Variants in EVA1A observed in about 807,000 individuals in gnomAD.
EVA1A encodes eva-1 homolog A, regulator of programmed cell death, also known as protein eva-1 homolog A.
EVA1A carries 7 observed loss-of-function variants against 9.8 expected under a neutral mutation model. That is an observed-to-expected ratio of 0.71 (90% CI 0.41 to 1.34). EVA1A has a LOEUF of 1.34. EVA1A is among the 40% of genes most tolerant of loss of function. The probability of loss-of-function intolerance (pLI) is 0.01; values close to 1 mark genes in which losing one functional copy is unlikely to be tolerated. For synonymous variants in EVA1A, 90 were observed against 85.6 expected (o/e 1.05, Z -0.28); for missense variants, 206 against 205.9 (o/e 1.00, Z 0.00).
intron 1 of EVA1A, among the ~76,000 whole-genome samples, chr2:75,553,697 T>C (rs147247322): frequency 2.0e-3 from 305 of 152,318 alleles, no homozygotes; most frequent in Non-Finnish European, 3.2e-3. Flanking sequence ...TGTCCAGTCA[T>C]TGTCTTCTGA....
At chr2:75,509,428 C>T (rs910919671) in intron 3 of EVA1A, among the ~76,000 whole-genome samples, 2 of 152,084 alleles carry the variant, frequency 1.3e-5, no homozygotes, top group African/African-American at 4.8e-5. Flanking sequence ...AATACCCTCT[C>T]ATGTTATTAA....
intron 1 of EVA1A, among the ~76,000 whole-genome samples, chr2:75,525,228 C>T (rs187738324): frequency 6.6e-6 from 1 of 152,204 alleles, no homozygotes; most frequent in East Asian, 1.9e-4. Context: ...ATCTTTTGAT[C>T]TACTGCCCTT....
intron 3 of EVA1A, among the ~76,000 whole-genome samples, chr2:75,498,293 C>T (rs1674283753): frequency 9.6e-6 from 1 of 103,956 alleles, no homozygotes; most frequent in Non-Finnish European, 1.8e-5. Context: ...TAAACGTGGA[C>T]ATAAAGAAGG....
At chr2:75,558,305 A>G (rs1572996042) in intron 1 of EVA1A, among the ~76,000 whole-genome samples, 1 of 152,180 alleles carries the variant, frequency 6.6e-6, no homozygotes, top group East Asian at 1.9e-4. Flanking sequence ...AGACTTTGAG[A>G]GACTGATTCA....
intron 1 of EVA1A, chr2:75,524,086 G>A (rs116473408): frequency 0.02 from 3,032 of 152,850 alleles, 86 homozygotes; most frequent in African/African-American, 0.061. Context: ...ATGCTGCCAC[G>A]TGAAGAAGGA....
Position 75,535,782 on chromosome 2 carries a change from G to A in EVA1A, c.-191-13295C>T, listed in dbSNP as rs117779749. On this transcript the variant is annotated intron_variant, in intron 1 of 3. Coordinates refer to ENST00000393913, the MANE Select transcript of EVA1A (RefSeq NM_001135032.2). ...TAATAGACATTGGAGACTCAGAATG[G>A]GGAAGGGTAGAGGGAGTGAGAGATG... 1.1e-4 allele frequency among the ~76,000 whole-genome samples: 16 copies of A among 152,232 alleles called. No individual in the cohort carries two copies. The East Asian group carries it at 3.1e-3, about 30-fold the overall frequency.
chr2:75,505,269 G>A (rs950067906), intron 3 of EVA1A, among the ~76,000 whole-genome samples: 1 of 152,168 alleles, frequency 6.6e-6, no homozygotes, highest in Non-Finnish European at 1.5e-5. Context: ...CCTCCAGTCT[G>A]GGCAGCACTT....
At chr2:75,554,159 C>A (rs1252684150) in intron 1 of EVA1A, among the ~76,000 whole-genome samples, 3 of 152,208 alleles carry the variant, frequency 2.0e-5, no homozygotes, top group Admixed American at 6.5e-5. Context: ...CTGCTCCCTG[C>A]AGCTACCACC....
intron 1 of EVA1A, chr2:75,542,409 G>T (rs1199470583): frequency 6.6e-6 from 1 of 152,240 alleles, no homozygotes; most frequent in Non-Finnish European, 1.5e-5. Context: ...GTAAATCAAA[G>T]CGCTTCATGA....
At chr2:75,539,254 C>G (rs13009167) in intron 1 of EVA1A, among the ~76,000 whole-genome samples, 1 of 151,968 alleles carries the variant, frequency 6.6e-6, no homozygotes, top group Non-Finnish European at 1.5e-5. Flanking sequence ...CTGAAGAAAA[C>G]TATGAGAGTT....
intron 1 of EVA1A, among the ~76,000 whole-genome samples, chr2:75,557,485 A>C (rs1433497315): frequency 1.3e-5 from 2 of 152,252 alleles, no homozygotes; most frequent in Non-Finnish European, 2.9e-5. Context: ...CATCTGATCA[A>C]GTATAATGTG....
At chr2:75,503,549 C>G (rs1334693278) in intron 3 of EVA1A, among the ~76,000 whole-genome samples, 1 of 152,192 alleles carries the variant, frequency 6.6e-6, no homozygotes, top group Non-Finnish European at 1.5e-5. Context: ...GCAGCAGCAG[C>G]CAGCCCAGAC....
intron 3 of EVA1A, among the ~76,000 whole-genome samples, chr2:75,514,370 A>G (rs1178389946): frequency 6.6e-6 from 1 of 152,218 alleles, no homozygotes; most frequent in Admixed American, 6.5e-5. Flanking sequence ...GTGAATTTGA[A>G]ATGCTTATAG....
chr2:75,507,331 G>A (rs988443291), intron 3 of EVA1A, among the ~76,000 whole-genome samples: 1 of 152,182 alleles, frequency 6.6e-6, no homozygotes, highest in African/African-American at 2.4e-5. Context: ...GCAAGGTTGT[G>A]CTGATATAAA....
rs1553421964 is a variant in EVA1A, at chr2:75,555,338, C to CTCTCTCTCTCT, written c.-192+5341_-192+5342insAGAGAGAGAGA. 3.0e-3 allele frequency among the ~76,000 whole-genome samples: 122 copies of CTCTCTCTCTCT among 40,192 alleles called. 2 individuals are homozygous for CTCTCTCTCTCT. Among genetic ancestry groups the CTCTCTCTCTCT allele is most frequent in the African/African-American group, 8.6e-3 (118 of 13,654 alleles). 26.4% of individuals were successfully genotyped at this position (40,192 alleles called of 152,430 possible). On this transcript the variant is annotated intron_variant, in intron 1 of 3. Transcript: ENST00000393913. ...CTCTCTCTCTCTCTCTCTCTCTCTC[C>CTCTCTCTCTCT]CCCATCTCCCCTTCTTTCCCTCTGT...
intron 1 of EVA1A, among the ~76,000 whole-genome samples, chr2:75,551,060 T>C (rs888851868): frequency 6.6e-6 from 1 of 151,916 alleles, no homozygotes; most frequent in Non-Finnish European, 1.5e-5. Flanking sequence ...GAGGCAGAGG[T>C]TGCAGTGAGC....
chr2:75,557,541 A>G (rs1426735393), intron 1 of EVA1A, among the ~76,000 whole-genome samples: 1 of 152,240 alleles, frequency 6.6e-6, no homozygotes, highest in African/African-American at 2.4e-5. Context: ...TCATGCATCA[A>G]TTGGTTTCAC....
chr2:75,494,935 A>AC (rs1462236877), intron 3 of EVA1A, among the ~76,000 whole-genome samples: 1 of 152,128 alleles, frequency 6.6e-6, no homozygotes, highest in Non-Finnish European at 1.5e-5. Context: ...CAGTATGCTT[A>AC]GGGGGCCTAG....
At chr2:75,496,849 A>G (rs555051719) in intron 3 of EVA1A, among the ~76,000 whole-genome samples, 5 of 152,338 alleles carry the variant, frequency 3.3e-5, no homozygotes, top group African/African-American at 1.2e-4. Flanking sequence ...CACATAGACC[A>G]ATGGAACAGG....
Sources: gnomAD v4.1 joint callset for allele counts (sites outside exome capture counted in the v4.1 genomes callset) on GRCh38, gnomAD v4.1.1 for gene constraint, MANE v1.5 for transcripts, NCBI Gene and HGNC (gene_info 2026-07-23, HGNC 2026-07-21) for gene names.